Variants in TMEM269 observed in about 807,000 individuals in gnomAD.
TMEM269 encodes transmembrane protein 269.
In TMEM269, 12 loss-of-function variants were observed where a neutral mutation model predicts 15.8. The observed-to-expected ratio is 0.76, with a 90% CI of 0.49 to 1.23. The LOEUF (loss-of-function observed/expected upper bound fraction) is 1.23. Ranked by LOEUF, TMEM269 falls within the 50% of genes most tolerant of loss-of-function variation. The probability of loss-of-function intolerance (pLI) is 0.00; values close to 1 mark genes in which losing one functional copy is unlikely to be tolerated. For synonymous variants in TMEM269, 93 were observed against 99.3 expected, an observed-to-expected ratio of 0.94 and a Z score of 0.38; for missense variants, 211 against 245.4, an observed-to-expected ratio of 0.86 and a Z score of 0.94.
In TMEM269 at chr1:42,797,155, C is replaced by T. The variant is rs16829965; in HGVS notation, c.485-943C>T. Among the ~76,000 whole-genome samples, 3,845 of 152,132 alleles carry T rather than the reference C, an allele frequency of 0.025. 181 individuals carry two copies. Among genetic ancestry groups the T allele is most frequent in the African/African-American group, 0.087 (3,617 of 41,464 alleles). On this transcript the variant is annotated intron_variant, in intron 5 of 5. Transcript: ENST00000637012. The surrounding 1 kb of genome is among the most constrained non-coding windows in gnomAD (Gnocchi z 4.9). ...TGAGTGCTCTTTTGCCTTTTGGTGG[C>T]GAATCTGAGATGCAAATTGTGTTGG... is the stretch of plus-strand genomic sequence containing the variant.
intron 1 of TMEM269, chr1:42,789,272 GCT>G: frequency 3.3e-6 from 2 of 610,380 alleles, no homozygotes; most frequent in Non-Finnish European, 5.9e-6. Flanking sequence ...AAGTAGGCCT[GCT>G]GTTCTGACTG....
Position 42,794,449 on chromosome 1 carries a change from A to G in TMEM269, c.320A>G (p.Tyr107Cys), listed in dbSNP as rs1286931761. The G allele has an allele frequency of 1.3e-6, 2 of 1,550,476 alleles. No individual in the cohort carries two copies. The highest frequency in any genetic ancestry group is 4.9e-5 in the East Asian group (2 of 40,938). ...PSTYKGLPCP[Y>C]ASCILASTSL... Reference sequence around the variant, plus strand: ...ACATACAAGGGTCTACCCTGCCCCTATGCTTCCTGCATCTTGGCTTCCACC... The same window carrying G: ...ACATACAAGGGTCTACCCTGCCCCTGTGCTTCCTGCATCTTGGCTTCCACC... Residue 107 changes from tyrosine (Y) to cysteine (C), a missense_variant, in exon 5 of 6, where the codon TAT (tyrosine) becomes TGT (cysteine). By Grantham distance (194) the Tyr-to-Cys change is radical. Transcript: ENST00000637012.
intron 3 of TMEM269, 50 bp from the exon 4 acceptor site, chr1:42,793,551 T>C: frequency 6.6e-7 from 1 of 1,516,326 alleles, no homozygotes; most frequent in South Asian, 1.3e-5. Context: ...GGGGCTAAGG[T>C]GCAAGACGTG....
intron 1 of TMEM269, chr1:42,787,935 C>T (rs971893065): frequency 1.3e-5 from 2 of 152,296 alleles, no homozygotes; most frequent in Admixed American, 6.5e-5. Flanking sequence ...TGCAGCAAGT[C>T]CTTTGTCCCC....
At position 42,797,852 on chromosome 1, in the gene TMEM269, G is replaced by T. The variant is rs1429475393; in HGVS notation, c.485-246G>T. 1 of 645,704 alleles carries T rather than the reference G, an allele frequency of 1.5e-6. No homozygotes were observed. The highest frequency in any genetic ancestry group is 2.9e-6 in the Non-Finnish European group (1 of 340,532). 40.0% of individuals were successfully genotyped at this position (645,704 alleles called of 1,614,324 possible). Reference sequence around the variant, plus strand: ...CAAAGGCAATTCAGATTTATTATTGGCTGGAACTTCTGATGTGAATTTGAC... The same window carrying T: ...CAAAGGCAATTCAGATTTATTATTGTCTGGAACTTCTGATGTGAATTTGAC... On this transcript the variant is annotated intron_variant, in intron 5 of 5. Transcript: ENST00000637012. The surrounding 1 kb of genome is among the most constrained non-coding windows in gnomAD (Gnocchi z 4.9).
rs748463200 is a variant in TMEM269, at chr1:42,793,665, C to T, written c.204C>T (p.Gly68=). 1.6e-4 allele frequency: 248 copies of T among 1,550,484 alleles called. No homozygotes were observed. The highest frequency in any genetic ancestry group is 2.0e-4 in the Non-Finnish European group (227 of 1,146,996). Residue 68 remains glycine, a synonymous_variant, in exon 4 of 6, where the codon GGC becomes GGT. Transcript: ENST00000637012. Reference sequence around the variant, plus strand: ...GCTTGGCCTCCGCTCTGCTCCTAGGCGTGGATGGACTTCTGAGTGGGATCC... The same window carrying T: ...GCTTGGCCTCCGCTCTGCTCCTAGGTGTGGATGGACTTCTGAGTGGGATCC... ...TFGLASALLL[G]VDGLLSGILA...
intron 5 of TMEM269, 50 bp from the exon 6 acceptor site, chr1:42,798,048 T>C: frequency 2.6e-6 from 4 of 1,548,388 alleles, no homozygotes; most frequent in African/African-American, 2.7e-5. Flanking sequence ...GTAGAAAGCA[T>C]AGAAGACAGC....
intron 3 of TMEM269, 93 bp downstream of exon 3, chr1:42,792,995 C>A: frequency 1.0e-6 from 1 of 980,666 alleles, no homozygotes; most frequent in Non-Finnish European, 1.6e-6. Flanking sequence ...CGCAGGCCTT[C>A]ATCAGGCATC....
rs979648195 is a variant in TMEM269, at chr1:42,793,024, G to A, written c.139+122G>A. ...AGGCATCCACCCCTGTTCACACCCC[G>A]CTGAGAGCAGCAGCAGCAGCAGCCC... On this transcript the variant is annotated intron_variant, in intron 3 of 5. Transcript: ENST00000637012. The A allele has an allele frequency of 4.2e-5, 32 of 763,592 alleles. No homozygotes were observed. In the Middle Eastern group the frequency reaches 2.1e-3, roughly 50 times the overall value. The allele number at this position is 763,592 out of a possible 1,614,324, so 47.3% of individuals were successfully genotyped here.
chr1:42,789,973 G>T, intron 2 of TMEM269, 39 bp downstream of exon 2: 2 of 1,438,514 alleles, frequency 1.4e-6, no homozygotes, highest in Non-Finnish European at 1.9e-6. Context: ...CCAAGAGCTG[G>T]AGCCAATGGC....
chr1:42,796,930 T>C (rs1653799510), intron 5 of TMEM269: 1 of 152,046 alleles, frequency 6.6e-6, no homozygotes, highest in African/African-American at 2.4e-5. Context: ...TGTCCTCTTT[T>C]TGAGCTCCCT....
intron 2 of TMEM269, among the ~76,000 whole-genome samples, chr1:42,792,449 A>G (rs1364289497): frequency 6.6e-6 from 1 of 152,116 alleles, no homozygotes; most frequent in Non-Finnish European, 1.5e-5. Context: ...TCATAGGGAG[A>G]TGGTGGCAGA....
At chr1:42,786,853 C>G (rs1301715859) in intron 1 of TMEM269, among the ~76,000 whole-genome samples, 1 of 152,220 alleles carries the variant, frequency 6.6e-6, no homozygotes, top group Non-Finnish European at 1.5e-5. Context: ...CTCTACAGCC[C>G]TTACTCTCAA....
chr1:42,798,359 G>A lies in TMEM269; in HGVS notation c.*134G>A, dbSNP rs895679972. On this transcript the variant is annotated 3_prime_UTR_variant, in exon 6 of 6. Transcript: ENST00000637012. ...AGATATATGGTATGTCTGTTGCCAT[G>A]AAGTTAGAAACCCAAAGCAGGGTCA... is the stretch of plus-strand genomic sequence containing the variant. 3 of 1,227,428 alleles carry A rather than the reference G, an allele frequency of 2.4e-6. No homozygotes were observed. The Admixed American group carries it at 8.0e-5, about 33-fold the overall frequency. The allele number at this position is 1,227,428 out of a possible 1,614,324, so 76.0% of individuals were successfully genotyped here.
At chr1:42,793,859 CCTT>C in intron 4 of TMEM269, 115 bp downstream of exon 4, 2 of 1,249,612 alleles carry the variant, frequency 1.6e-6, no homozygotes, top group Non-Finnish European at 2.2e-6. Context: ...AGCTCCTCTT[CCTT>C]CCTCCTTGCG....
At chr1:42,796,913 C>T (rs1237723108) in intron 5 of TMEM269, 1 of 151,998 alleles carries the variant, frequency 6.6e-6, no homozygotes, top group Non-Finnish European at 1.5e-5. Flanking sequence ...TTGGCTCATA[C>T]TCTCTTTGTC....
chr1:42,792,936 C>A, intron 3 of TMEM269, 34 bp downstream of exon 3: 1 of 1,499,666 alleles, frequency 6.7e-7, no homozygotes, highest in Non-Finnish European at 9.1e-7. Flanking sequence ...AATCCTTGCC[C>A]CCAGTAGCAT....
chr1:42,798,363 T>A lies in TMEM269; in HGVS notation c.*138T>A. 3 of 1,168,128 alleles carry A rather than the reference T, an allele frequency of 2.6e-6. No individual in the cohort carries two copies. In the South Asian group the frequency reaches 4.8e-5, roughly 19 times the overall value. 72.4% of individuals were successfully genotyped at this position (1,168,128 alleles called of 1,614,324 possible). A position where few individuals can be genotyped will look rare whatever the true frequency, so the allele number is the denominator to read the frequency against. On this transcript the variant is annotated 3_prime_UTR_variant, in exon 6 of 6. Coordinates refer to ENST00000637012, the MANE Select transcript of TMEM269 (RefSeq NM_001354602.2). The stretch of plus-strand genomic sequence containing the variant: ...ATATGGTATGTCTGTTGCCATGAAG[T>A]TAGAAACCCAAAGCAGGGTCAGTGA...
At position 42,797,956 on chromosome 1, in the gene TMEM269, G is replaced by C; in HGVS notation, c.485-142G>C. ...TCTATTAAACTGAACTTGAAGACAG[G>C]GCTCCTGTCTCTTTCTGTTTGTTTC... On this transcript the variant is annotated intron_variant, in intron 5 of 5. Transcript: ENST00000637012. The surrounding 1 kb of genome is among the most constrained non-coding windows in gnomAD (Gnocchi z 4.9). 2.2e-6 allele frequency: 2 copies of C among 909,804 alleles called. No individual in the cohort carries two copies. The highest frequency in any genetic ancestry group is 2.9e-5 in the South Asian group (2 of 69,788). 56.4% of individuals were successfully genotyped at this position (909,804 alleles called of 1,614,324 possible).
Sources: allele counts gnomAD v4.1 joint callset (sites outside exome capture counted in the v4.1 genomes callset), GRCh38; gene constraint gnomAD v4.1.1; non-coding constraint Gnocchi (gnomAD v3.1); transcripts MANE v1.5; gene names NCBI Gene and HGNC (gene_info 2026-07-23, HGNC 2026-07-21).